Variants in TACC1 observed in about 807,000 individuals in gnomAD.
TACC1 encodes the protein transforming acidic coiled-coil-containing protein 1.
A neutral mutation model predicts 84.4 loss-of-function variants in TACC1; 48 were observed. The ratio of observed to expected loss-of-function variants is 0.57; its 90% CI spans 0.45 to 0.72. The LOEUF is 0.72. TACC1 is among the 30% of genes least tolerant of loss of function. TACC1 has a pLI of 0.00. For missense variants in TACC1, 920 were observed against 973.0 expected (o/e 0.95, Z 0.72); for synonymous variants, 372 against 376.3 (o/e 0.99, Z 0.13).
chr8:38,846,445 A>G (rs1465892801), intron 11 of TACC1: 2 of 335,194 alleles, frequency 6.0e-6, no homozygotes, highest in East Asian at 1.2e-4. Flanking sequence ...GGTCTAAAAA[A>G]AAAAAAAAAA....
chr8:38,757,303 G>A (rs909992130), intron 3 of TACC1: 1 of 1,261,946 alleles, frequency 7.9e-7, no homozygotes, highest in South Asian at 1.3e-5. Flanking sequence ...CAGCACAGGA[G>A]GGTGCAGCCC....
At chr8:38,811,499 A>G (rs1402787885) in intron 2 of TACC1, among the ~76,000 whole-genome samples, 1 of 152,250 alleles carries the variant, frequency 6.6e-6, no homozygotes, top group Non-Finnish European at 1.5e-5. Context: ...TGAAGATTTC[A>G]TGGATATTTA....
At chr8:38,784,478 G>A (rs887123159), upstream of TACC1, among the ~76,000 whole-genome samples, 4 of 151,892 alleles carry the variant, frequency 2.6e-5, no homozygotes, top group East Asian at 1.9e-4. Flanking sequence ...GAGGCAGGGA[G>A]AATCGCTTGA....
Position 38,852,356 on chromosome 8 carries a change from A to C in TACC1, c.*4333A>C, listed in dbSNP as rs534327873. 1 of 164,890 alleles carries C rather than the reference A, an allele frequency of 6.1e-6. No homozygotes were observed. The highest frequency in any genetic ancestry group is 5.8e-5 in the Admixed American group (1 of 17,218). The allele number at this position is 164,890 out of a possible 1,614,324, so 10.2% of individuals were successfully genotyped here. On this transcript the variant is annotated 3_prime_UTR_variant, in exon 13 of 13. Coordinates refer to ENST00000317827, the MANE Select transcript of TACC1 (RefSeq NM_006283.3). ...TGTAATGCTTTAACTTGTATGGAGGAGGCCAGGCTCAGAGCTGAGATGTGG... is the reference window on the plus strand; with the variant it reads ...TGTAATGCTTTAACTTGTATGGAGGCGGCCAGGCTCAGAGCTGAGATGTGG...
chr8:38,809,020 G>A (rs1823426544), intron 2 of TACC1, among the ~76,000 whole-genome samples: 1 of 151,962 alleles, frequency 6.6e-6, no homozygotes, highest in Non-Finnish European at 1.5e-5. Context: ...CACCTGCCCC[G>A]AGCTGGCCAA....
chr8:38,732,827 G>A (rs780833895), intron 1 of TACC1, among the ~76,000 whole-genome samples: 3 of 152,210 alleles, frequency 2.0e-5, no homozygotes, highest in Non-Finnish European at 2.9e-5. Context: ...GGGTATGAGT[G>A]CTTAAACCCA....
intron 3 of TACC1, among the ~76,000 whole-genome samples, chr8:38,748,704 T>C (rs1297154252): frequency 6.6e-6 from 1 of 152,128 alleles, no homozygotes; most frequent in Non-Finnish European, 1.5e-5. Context: ...TTTATTGGGC[T>C]AAAGACTAAA....
chr8:38,757,400 C>T (rs1388735012), intron 3 of TACC1: 2 of 1,252,120 alleles, frequency 1.6e-6, no homozygotes, highest in East Asian at 7.1e-5. Flanking sequence ...CCGAGACCCA[C>T]GGAGACCGCG....
chr8:38,769,371 GGT>G (rs1812990305), intron 3 of TACC1, among the ~76,000 whole-genome samples: 1 of 145,298 alleles, frequency 6.9e-6, no homozygotes, highest in Non-Finnish European at 1.5e-5. Flanking sequence ...CATGGGTGGG[GGT>G]GTGTGGTGTG....
In TACC1 at chr8:38,787,388, G is replaced by A. The variant is rs1476319851; in HGVS notation, c.-195G>A. On this transcript the variant is annotated 5_prime_UTR_variant, in exon 1 of 13. Coordinates refer to ENST00000317827, the MANE Select transcript of TACC1 (RefSeq NM_006283.3). Reference sequence around the variant, plus strand: ...CGCACCGTGAGGGGAGGAGGCCGAGGAGGACGCAGCGCCGGCTGCCGGCGG... The same window carrying A: ...CGCACCGTGAGGGGAGGAGGCCGAGAAGGACGCAGCGCCGGCTGCCGGCGG... The A allele has an allele frequency of 3.8e-5, 52 of 1,354,344 alleles. No homozygotes were observed. The highest frequency in any genetic ancestry group is 2.4e-4 in the South Asian group (13 of 55,180). The allele number at this position is 1,354,344 out of a possible 1,614,324, so 83.9% of individuals were successfully genotyped here.
chr8:38,840,286 T>A lies in TACC1; in HGVS notation c.1960+19T>A, dbSNP rs759656499. 8.7e-6 allele frequency: 14 copies of A among 1,609,242 alleles called. No individual in the cohort carries two copies. Among genetic ancestry groups the A allele is most frequent in the African/African-American group, 1.3e-5 (1 of 74,930 alleles). ...ATGATTGGTAAGGAGAACATTTTGTTTTTTGAGGGTATGAGCCATAGGATC... is the reference window on the plus strand; with the variant it reads ...ATGATTGGTAAGGAGAACATTTTGTATTTTGAGGGTATGAGCCATAGGATC... On this transcript the variant is annotated intron_variant, in intron 9 of 12. Transcript: ENST00000317827.
intron 2 of TACC1, among the ~76,000 whole-genome samples, chr8:38,818,913 GACT>G (rs1385762259): frequency 6.6e-6 from 1 of 152,046 alleles, no homozygotes; most frequent in Non-Finnish European, 1.5e-5. Context: ...GAGTGACTGG[GACT>G]ACAGGCGTGT....
At position 38,851,753 on chromosome 8, in the gene TACC1, G is replaced by A. The variant is rs1833115503; in HGVS notation, c.*3730G>A. ...TTTTGAAAGATTACATGATTCAAGC[G>A]AGGGATTTTAAAGTAAAGATGTATT... On this transcript the variant is annotated 3_prime_UTR_variant, in exon 13 of 13. Transcript: ENST00000317827. 1.2e-5 allele frequency: 4 copies of A among 333,084 alleles called. No individual in the cohort carries two copies. The highest frequency in any genetic ancestry group is 2.3e-5 in the South Asian group (1 of 42,580). The allele number at this position is 333,084 out of a possible 1,614,324, so 20.6% of individuals were successfully genotyped here.
chr8:38,775,108 T>TAAAATGAGGTGAATTTTGG (rs1814565441), intron 3 of TACC1, among the ~76,000 whole-genome samples: 1 of 152,168 alleles, frequency 6.6e-6, no homozygotes, highest in African/African-American at 2.4e-5. Context: ...CAGTGCCTTT[T>TAAAATGAGGTGAATTTTGG]AAAATGAGGT....
intron 5 of TACC1, among the ~76,000 whole-genome samples, chr8:38,829,211 T>C (rs926614680): frequency 3.3e-5 from 5 of 152,234 alleles, no homozygotes; most frequent in Non-Finnish European, 7.3e-5. Context: ...TTAAAAGTCA[T>C]GATCTGCCAT....
chr8:38,791,628 G>A (rs1433448548), intron 2 of TACC1, among the ~76,000 whole-genome samples: 1 of 152,164 alleles, frequency 6.6e-6, no homozygotes, highest in African/African-American at 2.4e-5. Flanking sequence ...TCTGGGACTG[G>A]ATAAGTTCCC....
chr8:38,817,947 A>AG (rs1491185692), intron 2 of TACC1, among the ~76,000 whole-genome samples: 2 of 135,178 alleles, frequency 1.5e-5, no homozygotes, highest in African/African-American at 5.5e-5. Flanking sequence ...AAAAAAAAAA[A>AG]CAGGCTGGAC....
At chr8:38,839,121 T>C (rs890262483) in intron 8 of TACC1, among the ~76,000 whole-genome samples, 8 of 152,100 alleles carry the variant, frequency 5.3e-5, no homozygotes, top group African/African-American at 1.2e-4. Flanking sequence ...ACTCCTGAGC[T>C]CAAGCAATGC....
intron 2 of TACC1, among the ~76,000 whole-genome samples, chr8:38,796,090 T>C (rs1220712040): frequency 6.6e-6 from 1 of 152,268 alleles, no homozygotes; most frequent in African/African-American, 2.4e-5. Context: ...GCTATCTGTT[T>C]CAGCCGTATT....
Sources: allele counts gnomAD v4.1 joint callset (sites outside exome capture counted in the v4.1 genomes callset), GRCh38; gene constraint gnomAD v4.1.1; transcripts MANE v1.5; gene names NCBI Gene and HGNC (gene_info 2026-07-23, HGNC 2026-07-21).